The following DACH2 variants were observed in gnomAD, a reference collection of about 807,000 sequenced individuals.
DACH2 encodes dachshund homolog 2.
A neutral mutation model predicts 35.8 loss-of-function variants in DACH2; 17 were observed. That is an observed-to-expected ratio of 0.48 (90% CI 0.33 to 0.71). The LOEUF (loss-of-function observed/expected upper bound fraction) is 0.71, where lower values mean the gene tolerates loss of function less well. Ranked by LOEUF, DACH2 falls within the 30% of genes least tolerant of loss-of-function variation. The probability of loss-of-function intolerance (pLI) is 0.02; values close to 1 mark genes in which losing one functional copy is unlikely to be tolerated. For missense variants in DACH2, 469 were observed against 472.7 expected (o/e 0.99, Z 0.07); for synonymous variants, 195 against 177.3 (o/e 1.10, Z -0.79).
chrX:86,327,373 T>C (rs190651432), intron 1 of DACH2, among the ~76,000 whole-genome samples: 2 of 112,153 alleles, frequency 1.8e-5, no homozygotes, highest in Admixed American at 1.9e-4. Context: ...CATACATCAT[T>C]CTCAGGCCAG....
intron 1 of DACH2, among the ~76,000 whole-genome samples, chrX:86,311,865 G>T (rs762361291): frequency 1.1e-4 from 12 of 111,637 alleles, no homozygotes; most frequent in African/African-American, 3.6e-4. Flanking sequence ...CACAATAGAG[G>T]TAAGGAAGAG....
rs774629557 is a variant in DACH2, at chrX:86,652,052, A to G, written c.772+885A>G. On this transcript the variant is annotated intron_variant, in intron 4 of 11. Transcript: ENST00000373125. ...TTATTTTGCCACTTGGATACTAAAG[A>G]TAGTACCTGACAGTTTTATTTCTTT... Among the ~76,000 whole-genome samples, 47 of 111,687 alleles carry G rather than the reference A, an allele frequency of 4.2e-4. 1 individual carries two copies. Among genetic ancestry groups the G allele is most frequent in the African/African-American group, 2.9e-4 (9 of 30,749 alleles).
At chrX:86,545,289 AC>A (rs1346995011) in intron 3 of DACH2, among the ~76,000 whole-genome samples, 2 of 111,898 alleles carry the variant, frequency 1.8e-5, no homozygotes, top group Non-Finnish European at 3.8e-5. Flanking sequence ...CCTTAAGCAA[AC>A]TAACACAGGA....
intron 1 of DACH2, among the ~76,000 whole-genome samples, chrX:86,165,892 C>G (rs762882202): frequency 9.0e-6 from 1 of 111,583 alleles, no homozygotes; most frequent in South Asian, 3.7e-4. Flanking sequence ...GGGTATTGCT[C>G]AAGAAATCTT....
At chrX:86,259,906 G>T (rs753651015) in intron 1 of DACH2, among the ~76,000 whole-genome samples, 3 of 111,000 alleles carry the variant, frequency 2.7e-5, no homozygotes, top group Non-Finnish European at 5.7e-5. Context: ...TGGCCATATT[G>T]ATGCAATGCC....
chrX:86,708,324 A>G (rs1482647533), intron 5 of DACH2, among the ~76,000 whole-genome samples: 2 of 110,906 alleles, frequency 1.8e-5, no homozygotes, highest in Non-Finnish European at 1.9e-5. Context: ...TAAAATTTAT[A>G]CCAATTAGGG....
Position 86,358,962 on chromosome X carries a change from G to C in DACH2, c.489-17862G>C, listed in dbSNP as rs749133790. Among the ~76,000 whole-genome samples, 3 of 111,204 alleles carry C rather than the reference G, an allele frequency of 2.7e-5. No individual in the cohort carries two copies. In the South Asian group the frequency reaches 1.1e-3, roughly 42 times the overall value. On this transcript the variant is annotated intron_variant, in intron 1 of 11. Coordinates refer to ENST00000373125, the MANE Select transcript of DACH2 (RefSeq NM_053281.3). ...AAACTTTCAGATCAGATTTGAAAAT[G>C]AGGAGCTACTGTCACAGAGCCAGGT...
intron 4 of DACH2, among the ~76,000 whole-genome samples, chrX:86,671,164 C>T (rs1462764578): frequency 3.6e-5 from 4 of 111,870 alleles, no homozygotes; most frequent in African/African-American, 1.3e-4. Flanking sequence ...AAATAAATAC[C>T]ATTATTTTTT....
chrX:86,274,773 C>A (rs2033887553), intron 1 of DACH2, among the ~76,000 whole-genome samples: 1 of 110,826 alleles, frequency 9.0e-6, no homozygotes, highest in Non-Finnish European at 1.9e-5. Flanking sequence ...GCTGAGATTA[C>A]AGGCATGAGC....
intron 1 of DACH2, among the ~76,000 whole-genome samples, chrX:86,275,755 G>A (rs901241374): frequency 9.0e-6 from 1 of 111,434 alleles, no homozygotes; most frequent in African/African-American, 3.3e-5. Context: ...GTATTCATGA[G>A]TTCAATTGTT....
chrX:86,288,175 A>G (rs1462108424), intron 1 of DACH2, among the ~76,000 whole-genome samples: 5 of 112,434 alleles, frequency 4.4e-5, no homozygotes, highest in Non-Finnish European at 9.4e-5. Flanking sequence ...ACAAGATTGC[A>G]GAGAATTCTC....
chrX:86,419,729 T>C lies in DACH2; in HGVS notation c.527+42867T>C, dbSNP rs1384224710. ...ATGTTGCTGTTGTGAGGGGATTATC[T>C]CAGAAAATTATGTGGAATGATAACA... On this transcript the variant is annotated intron_variant, in intron 2 of 11. Coordinates refer to ENST00000373125, the MANE Select transcript of DACH2 (RefSeq NM_053281.3). Among the ~76,000 whole-genome samples the C allele has an allele frequency of 5.4e-5, 6 of 111,747 alleles. No individual in the cohort carries two copies. In the East Asian group the frequency reaches 1.4e-3, roughly 26 times the overall value.
At chrX:86,714,814 C>G in intron 6 of DACH2, 94 bp downstream of exon 6, 2 of 796,449 alleles carry the variant, frequency 2.5e-6, no homozygotes, top group Non-Finnish European at 3.5e-6. Context: ...AGTAGTAACT[C>G]AGCTCATTGA....
intron 3 of DACH2, among the ~76,000 whole-genome samples, chrX:86,610,363 C>CTCCTTCTTTCTTTCTT (rs2039916875): frequency 1.4e-4 from 10 of 70,090 alleles, no homozygotes; most frequent in African/African-American, 4.4e-4. Context: ...TCCTTCCTTC[C>CTCCTTCTTTCTTTCTT]TCTTTCTTTC....
intron 7 of DACH2, among the ~76,000 whole-genome samples, chrX:86,812,288 G>A (rs942605526): frequency 4.5e-5 from 5 of 111,484 alleles, no homozygotes; most frequent in Non-Finnish European, 9.4e-5. Context: ...GTTTTTAGGG[G>A]CTGAGGTGGG....
chrX:86,264,345 G>A (rs2147965236), intron 1 of DACH2, among the ~76,000 whole-genome samples: 1 of 111,787 alleles, frequency 8.9e-6, no homozygotes, highest in Admixed American at 9.5e-5. Flanking sequence ...GCTCTTTTCT[G>A]GCGGCTGTCA....
At chrX:86,746,933 C>T (rs1602889821) in intron 7 of DACH2, among the ~76,000 whole-genome samples, 1 of 111,220 alleles carries the variant, frequency 9.0e-6, no homozygotes, top group Non-Finnish European at 1.9e-5. Context: ...ATTCAATCAT[C>T]CTAGCACTGT....
chrX:86,533,757 A>G (rs10521383), intron 3 of DACH2, among the ~76,000 whole-genome samples: 7,196 of 111,506 alleles, frequency 0.065, 189 homozygotes, highest in Middle Eastern at 0.1. Flanking sequence ...AATGATTATC[A>G]ACCACCAGCT....
At chrX:86,665,618 G>A (rs1419703485) in intron 4 of DACH2, among the ~76,000 whole-genome samples, 22 of 111,520 alleles carry the variant, frequency 2.0e-4, no homozygotes, top group Admixed American at 1.9e-3. Context: ...TATAGCCAAC[G>A]AAGGAAAAAT....
Sources: gnomAD v4.1 joint callset for allele counts (sites outside exome capture counted in the v4.1 genomes callset) on GRCh38, gnomAD v4.1.1 for gene constraint, MANE v1.5 for transcripts, NCBI Gene and HGNC (gene_info 2026-07-23, HGNC 2026-07-21) for gene names.